The following ITGB1 variants were observed in gnomAD, a reference collection of about 807,000 sequenced individuals.
ITGB1 encodes integrin beta-1.
ITGB1 carries 24 observed loss-of-function variants against 86.5 expected under a neutral mutation model. The ratio of observed to expected loss-of-function variants is 0.28; its 90% CI spans 0.20 to 0.39. The LOEUF is 0.39. Among genes scored for constraint, ITGB1 ranks in the 10% least tolerant of loss-of-function variants. The pLI, the probability that ITGB1 is intolerant of heterozygous loss-of-function variation, is 1.00. For missense variants in ITGB1, 556 were observed against 946.9 expected, an observed-to-expected ratio of 0.59 and a Z score of 5.42; for synonymous variants, 323 against 316.8, an observed-to-expected ratio of 1.02 and a Z score of -0.21.
chr10:32,920,286 C>T lies in ITGB1; in HGVS notation c.1228G>A (p.Glu410Lys). 6.2e-7 allele frequency: 1 copy of T among 1,613,578 alleles called. No homozygotes were observed. Among genetic ancestry groups the T allele is most frequent in the Non-Finnish European group, 8.5e-7 (1 of 1,179,626 alleles). Reference sequence around the variant, plus strand: ...ATATTGGAACATTTTCTTCCATTTTCCCCTGTTCCATTCACCCCGTTCTTG... The same window carrying T: ...ATATTGGAACATTTTCTTCCATTTTTCCCTGTTCCATTCACCCCGTTCTTG... ...YCKNGVNGTG[E>K]NGRKCSNISI... The change falls in exon 10 of 16, where the codon GAA becomes AAA. Residue 410 changes from glutamate to lysine, a missense_variant. Physicochemically the swap from Glu to Lys is moderately conservative, Grantham distance 56. Around this residue, in one of 4 missense-constraint regions of ITGB1, gnomAD observed 330 missense variants for 531.5 expected, o/e 0.62. Transcript: ENST00000302278.
chr10:32,917,600 C>G (rs994139384), intron 11 of ITGB1, among the ~76,000 whole-genome samples: 17 of 152,212 alleles, frequency 1.1e-4, no homozygotes, highest in Non-Finnish European at 2.2e-4. Flanking sequence ...AAATGCTCAT[C>G]ATCACTGGCC....
chr10:32,957,774 C>A (rs917883911), intron 1 of ITGB1: 1 of 152,202 alleles, frequency 6.6e-6, no homozygotes, highest in Non-Finnish European at 1.5e-5. Context: ...CTTGCCCAGC[C>A]CGGCGGGAGA....
At chr10:32,931,482 ATAT>A (rs2094983201) in intron 3 of ITGB1, among the ~76,000 whole-genome samples, 1 of 152,138 alleles carries the variant, frequency 6.6e-6, no homozygotes, top group South Asian at 2.1e-4. Context: ...GATAAAGCGG[ATAT>A]TATCATCCTC....
intron 1 of ITGB1, among the ~76,000 whole-genome samples, chr10:32,949,532 G>C (rs1047941195): frequency 6.6e-6 from 1 of 152,110 alleles, no homozygotes; most frequent in Non-Finnish European, 1.5e-5. Context: ...TACAGACAAA[G>C]GTTTTGTGTC....
intron 11 of ITGB1, among the ~76,000 whole-genome samples, chr10:32,912,961 G>C (rs2094918301): frequency 6.6e-6 from 1 of 152,176 alleles, no homozygotes; most frequent in African/African-American, 2.4e-5. Flanking sequence ...CTGAGACGAA[G>C]CTTCCAGAGG....
intron 1 of ITGB1, among the ~76,000 whole-genome samples, chr10:32,947,432 CGTGTGTGT>C (rs1186872641): frequency 6.3e-4 from 86 of 137,372 alleles, no homozygotes; most frequent in African/African-American, 1.8e-3. Flanking sequence ...CACATATAGC[CGTGTGTGT>C]GTGTGTGTGT....
At chr10:32,903,355 A>C (rs866997773) in intron 15 of ITGB1, among the ~76,000 whole-genome samples, 98 of 145,316 alleles carry the variant, frequency 6.7e-4, no homozygotes, top group African/African-American at 2.5e-3. Flanking sequence ...CCATCTCAAA[A>C]AAAAAAAAAA....
At chr10:32,932,634 G>A in intron 2 of ITGB1, 34 bp from the exon 3 acceptor site, 1 of 1,179,836 alleles carries the variant, frequency 8.5e-7, no homozygotes, top group South Asian at 1.2e-5. Flanking sequence ...AACATTTTAT[G>A]TGAAGTGTCA....
At chr10:32,924,494 C>T (rs1243835736) in intron 6 of ITGB1, among the ~76,000 whole-genome samples, 1 of 152,198 alleles carries the variant, frequency 6.6e-6, no homozygotes, top group Non-Finnish European at 1.5e-5. Flanking sequence ...GTGGGAATCA[C>T]ATTTATTAAT....
At chr10:32,916,224 G>T (rs1458470888) in intron 11 of ITGB1, among the ~76,000 whole-genome samples, 1 of 152,142 alleles carries the variant, frequency 6.6e-6, no homozygotes, top group African/African-American at 2.4e-5. Flanking sequence ...GGCAAAAACT[G>T]GAAGCATTCC....
intron 14 of ITGB1, among the ~76,000 whole-genome samples, chr10:32,909,610 G>C (rs1414076356): frequency 6.6e-6 from 1 of 152,092 alleles, no homozygotes; most frequent in African/African-American, 2.4e-5. Context: ...CAGTATGGGA[G>C]TCTAAGAGTC....
chr10:32,926,944 G>C (rs1296601517), intron 5 of ITGB1, among the ~76,000 whole-genome samples: 1 of 152,088 alleles, frequency 6.6e-6, no homozygotes, highest in Non-Finnish European at 1.5e-5. Flanking sequence ...AAGCCACCCA[G>C]TTTATAGTAT....
chr10:32,903,351 C>CAAACAAAAAAAAAAA (rs1555218828), intron 15 of ITGB1, among the ~76,000 whole-genome samples: 1 of 57,042 alleles, frequency 1.8e-5, no homozygotes, highest in African/African-American at 6.8e-5. Flanking sequence ...GACTCCATCT[C>CAAACAAAAAAAAAAA]AAAAAAAAAA....
chr10:32,943,045 C>T (rs1251790510), intron 1 of ITGB1, among the ~76,000 whole-genome samples: 3 of 152,294 alleles, frequency 2.0e-5, no homozygotes, highest in African/African-American at 7.2e-5. Context: ...AATATTTTCA[C>T]TGAACCATAT....
chr10:32,904,198 A>G (rs961631064), intron 15 of ITGB1, among the ~76,000 whole-genome samples: 1 of 152,194 alleles, frequency 6.6e-6, no homozygotes, highest in Non-Finnish European at 1.5e-5. Context: ...TAAGCTCACT[A>G]TCTGTATTAG....
intron 1 of ITGB1, among the ~76,000 whole-genome samples, chr10:32,943,281 T>C (rs1219888830): frequency 3.3e-5 from 5 of 152,102 alleles, no homozygotes; most frequent in African/African-American, 9.7e-5. Flanking sequence ...AGTACAAACA[T>C]AGATTCTGAA....
At chr10:32,931,119 C>T (rs1211642219) in intron 3 of ITGB1, among the ~76,000 whole-genome samples, 3 of 151,982 alleles carry the variant, frequency 2.0e-5, no homozygotes, top group African/African-American at 7.2e-5. Context: ...ATGTAATCAA[C>T]AACTGGAAGG....
At chr10:32,940,460 C>T (rs2095015731) in intron 1 of ITGB1, among the ~76,000 whole-genome samples, 1 of 152,114 alleles carries the variant, frequency 6.6e-6, no homozygotes, top group Non-Finnish European at 1.5e-5. Context: ...ATAAGACTGG[C>T]AGCATGGTCG....
In ITGB1 at chr10:32,941,890, TA is replaced by T. The variant is rs1214551918; in HGVS notation, c.1-6333del. On this transcript the variant is annotated intron_variant, in intron 1 of 15. Coordinates refer to ENST00000302278, the MANE Select transcript of ITGB1 (RefSeq NM_002211.4). ...GAAGATGTACGAGGGAGAATGGGGT[TA>T]GGGGAAAAAATGAGGTTTGTTTTAT... Among the ~76,000 whole-genome samples the T allele has an allele frequency of 6.6e-5, 10 of 152,170 alleles. No homozygotes were observed. In the South Asian group the frequency reaches 1.0e-3, roughly 16 times the overall value.
Sources: gnomAD v4.1 joint callset for allele counts (sites outside exome capture counted in the v4.1 genomes callset) on GRCh38, gnomAD v4.1.1 for gene constraint, gnomAD v4.1.1 regional missense constraint, MANE v1.5 for transcripts, NCBI Gene and HGNC (gene_info 2026-07-23, HGNC 2026-07-21) for gene names.